LDLRAD3: variants seen among roughly 807,000 people sequenced by gnomAD.
LDLRAD3 encodes the protein low-density lipoprotein receptor class A domain-containing protein 3.
In LDLRAD3, 20 loss-of-function variants were observed where a neutral mutation model predicts 29.4. The observed-to-expected ratio is 0.68, with a 90% confidence interval of 0.48 to 0.99. LDLRAD3 has a LOEUF of 0.99. Among genes scored for constraint, LDLRAD3 ranks in the 50% least tolerant of loss-of-function variants. LDLRAD3 has a pLI of 0.00. For missense variants in LDLRAD3, 420 were observed against 454.3 expected (o/e 0.92, Z 0.69); for synonymous variants, 157 against 192.7 (o/e 0.81, Z 1.53).
At chr11:36,158,968 A>G (rs1301347005) in intron 4 of LDLRAD3, among the ~76,000 whole-genome samples, 3 of 152,166 alleles carry the variant, frequency 2.0e-5, no homozygotes, top group Admixed American at 6.5e-5. Context: ...TGAAATATAC[A>G]ATACATTATT....
intron 4 of LDLRAD3, among the ~76,000 whole-genome samples, chr11:36,179,611 G>A (rs1458406951): frequency 2.6e-5 from 4 of 152,206 alleles, no homozygotes; most frequent in African/African-American, 7.2e-5. Flanking sequence ...CAGTTCTTCA[G>A]TTCCCTAGTT....
chr11:36,004,029 A>G (rs763009731), intron 1 of LDLRAD3, among the ~76,000 whole-genome samples: 4 of 152,176 alleles, frequency 2.6e-5, no homozygotes, highest in Non-Finnish European at 5.9e-5. Flanking sequence ...CTCCTCCAAT[A>G]TGACATGAGA....
At chr11:36,020,240 T>G (rs1197418330) in intron 1 of LDLRAD3, among the ~76,000 whole-genome samples, 1 of 152,136 alleles carries the variant, frequency 6.6e-6, no homozygotes, top group Non-Finnish European at 1.5e-5. Flanking sequence ...GTCCATAGCC[T>G]TCTCAGGAAA....
intron 4 of LDLRAD3, chr11:36,196,528 G>A (rs537928360): frequency 2.6e-5 from 4 of 152,270 alleles, no homozygotes; most frequent in Admixed American, 2.0e-4. Context: ...GGAGAGCCTC[G>A]CTTTCTGGGT....
In LDLRAD3 at chr11:36,108,949, A is replaced by G. The variant is rs112826602; in HGVS notation, c.454+10488A>G. On this transcript the variant is annotated intron_variant, in intron 4 of 5. Transcript: ENST00000315571. ...GGGTGGAAAATTACTAAGAGGAAAC[A>G]TCAGGGTAAGGGGGGATTCTGACTC... Among the ~76,000 whole-genome samples the G allele has an allele frequency of 5.9e-5, 9 of 152,210 alleles. 1 individual carries two copies. The highest frequency in any genetic ancestry group is 2.2e-4 in the African/African-American group (9 of 41,540).
chr11:36,015,535 G>A (rs1267084142), intron 1 of LDLRAD3, among the ~76,000 whole-genome samples: 3 of 152,068 alleles, frequency 2.0e-5, no homozygotes, highest in Non-Finnish European at 4.4e-5. Flanking sequence ...AGAGCGCGCA[G>A]ATGTTAACTG....
chr11:36,091,505 C>T (rs1565215840), intron 3 of LDLRAD3, among the ~76,000 whole-genome samples: 1 of 152,044 alleles, frequency 6.6e-6, no homozygotes. Context: ...CTCCCTCTGC[C>T]AGAGAGAGAG....
At chr11:35,963,044 ACAGT>A (rs1774159174) in intron 1 of LDLRAD3, among the ~76,000 whole-genome samples, 2 of 152,240 alleles carry the variant, frequency 1.3e-5, no homozygotes, top group South Asian at 4.1e-4. Flanking sequence ...TTATATGGTG[ACAGT>A]CAGTCACAAC....
intron 1 of LDLRAD3, among the ~76,000 whole-genome samples, chr11:36,011,979 T>C (rs262403): frequency 0.92 from 139,801 of 152,226 alleles, 65,345 homozygotes; most frequent in East Asian, 1. Flanking sequence ...AGAAGGCAGG[T>C]ACGGTCATAG....
chr11:36,051,881 G>T (rs759706406), intron 2 of LDLRAD3, among the ~76,000 whole-genome samples: 1 of 152,200 alleles, frequency 6.6e-6, no homozygotes, highest in South Asian at 2.1e-4. Flanking sequence ...TAGGGACAGT[G>T]CCCAACCAGT....
chr11:36,090,096 A>G (rs1047708899), intron 3 of LDLRAD3, among the ~76,000 whole-genome samples: 3 of 152,198 alleles, frequency 2.0e-5, no homozygotes, highest in Admixed American at 6.5e-5. Flanking sequence ...TAGCTAGTGA[A>G]GTGGTAGGCT....
At chr11:36,011,767 A>G (rs1851958604) in intron 1 of LDLRAD3, among the ~76,000 whole-genome samples, 1 of 152,160 alleles carries the variant, frequency 6.6e-6, no homozygotes, top group Admixed American at 6.5e-5. Flanking sequence ...TTGAACCTCA[A>G]TTTCCTCATC....
intron 4 of LDLRAD3, among the ~76,000 whole-genome samples, chr11:36,103,364 A>C (rs888377694): frequency 1.3e-5 from 2 of 151,412 alleles, no homozygotes; most frequent in African/African-American, 4.9e-5. Flanking sequence ...CAGCCTCCAG[A>C]GTAGCTGGGA....
intron 4 of LDLRAD3, among the ~76,000 whole-genome samples, chr11:36,155,007 A>G (rs1854328059): frequency 6.6e-6 from 1 of 151,256 alleles, no homozygotes; most frequent in Non-Finnish European, 1.5e-5. Context: ...CCACCCTCTC[A>G]CCCTTGCCCT....
chr11:36,027,466 A>G (rs1331700425), intron 1 of LDLRAD3, among the ~76,000 whole-genome samples: 2 of 152,202 alleles, frequency 1.3e-5, no homozygotes, highest in African/African-American at 4.8e-5. Context: ...ATTGATGATT[A>G]GGAGTCTTAC....
chr11:36,181,389 T>A (rs954363553), intron 4 of LDLRAD3, among the ~76,000 whole-genome samples: 1 of 152,168 alleles, frequency 6.6e-6, no homozygotes, highest in Non-Finnish European at 1.5e-5. Flanking sequence ...AAGCATCACC[T>A]CCCAGTAATC....
chr11:35,981,989 G>A (rs983340205), intron 1 of LDLRAD3, among the ~76,000 whole-genome samples: 8 of 152,132 alleles, frequency 5.3e-5, no homozygotes, highest in East Asian at 1.9e-4. Flanking sequence ...TTGTTTCCTC[G>A]GCTGTTCTGG....
chr11:36,067,707 G>A (rs1449336438), intron 2 of LDLRAD3, among the ~76,000 whole-genome samples: 1 of 152,174 alleles, frequency 6.6e-6, no homozygotes, highest in Non-Finnish European at 1.5e-5. Flanking sequence ...ATCTTGCTCT[G>A]TCACCCACGC....
intron 1 of LDLRAD3, chr11:35,968,588 A>G (rs528493377): frequency 4.6e-4 from 90 of 195,190 alleles, no homozygotes; most frequent in African/African-American, 2.0e-3. Flanking sequence ...CTTCTCTGGG[A>G]TCTGGCTCTG....
Sources: allele counts gnomAD v4.1 joint callset (sites outside exome capture counted in the v4.1 genomes callset), GRCh38; gene constraint gnomAD v4.1.1; transcripts MANE v1.5; gene names NCBI Gene and HGNC (gene_info 2026-07-23, HGNC 2026-07-21).